The following IRAK1BP1 variants were observed in gnomAD, a reference collection of about 807,000 sequenced individuals.
IRAK1BP1 encodes interleukin-1 receptor-associated kinase 1-binding protein 1.
Under a neutral mutation model 28.0 loss-of-function variants are expected in IRAK1BP1, and 24 were observed. The observed-to-expected ratio is 0.86, with a 90% CI of 0.62 to 1.20. The LOEUF (loss-of-function observed/expected upper bound fraction) is 1.20. Among genes scored for constraint, IRAK1BP1 ranks in the 50% most tolerant of loss-of-function variants. The probability of loss-of-function intolerance (pLI) is 0.00; values close to 1 mark genes in which losing one functional copy is unlikely to be tolerated. For synonymous variants in IRAK1BP1, 131 were observed against 116.3 expected, an observed-to-expected ratio of 1.13 and a Z score of -0.81; for missense variants, 336 against 316.7, an observed-to-expected ratio of 1.06 and a Z score of -0.46.
chr6:78,887,787 C>T (rs72624516), intron 2 of IRAK1BP1, among the ~76,000 whole-genome samples: 11 of 47,312 alleles, frequency 2.3e-4, no homozygotes, highest in African/African-American at 5.8e-4. Flanking sequence ...TTATGGAAAA[C>T]AGTATACAGG....
rs1231647647 is a variant in IRAK1BP1, at chr6:78,945,766, A to C, written c.*426A>C. The C allele has an allele frequency of 1.5e-4, 86 of 589,392 alleles. No homozygotes were observed. In the Admixed American group the frequency reaches 2.2e-3, roughly 15 times the overall value. The allele number at this position is 589,392 out of a possible 1,614,324, so 36.5% of individuals were successfully genotyped here. A position where few individuals can be genotyped will look rare whatever the true frequency, so the allele number is the denominator to read the frequency against. ...TAGCTAGTGTGGGTACTGTGATTTA[A>C]ATTCAGGTAGTTTAGATCAGAGTTG... On this transcript the variant is annotated 3_prime_UTR_variant and NMD_transcript_variant, in exon 5 of 5. Transcript: ENST00000606868.
chr6:78,970,929 CCTT>C, the IRAK1BP1 span: 1 of 1,363,088 alleles, frequency 7.3e-7, no homozygotes, highest in Non-Finnish European at 1.0e-6. Context: ...GGATGTGTTT[CCTT>C]TAATCCAATA....
At chr6:78,908,056 T>C (rs181984026), downstream of IRAK1BP1, among the ~76,000 whole-genome samples, 210 of 141,648 alleles carry the variant, frequency 1.5e-3, no homozygotes, top group African/African-American at 5.2e-3. Context: ...ATTTATTTAT[T>C]TATCTATTTT....
chr6:78,867,938 G>A (rs752775657), intron 1 of IRAK1BP1, 47 bp downstream of exon 1: 1 of 1,489,296 alleles, frequency 6.7e-7, no homozygotes, highest in Non-Finnish European at 9.0e-7. Flanking sequence ...GACACAAAAG[G>A]GTTGGCAGAT....
intron 2 of IRAK1BP1, among the ~76,000 whole-genome samples, chr6:78,885,812 G>C (rs1054296871): frequency 1.3e-5 from 2 of 152,106 alleles, no homozygotes; most frequent in African/African-American, 2.4e-5. Context: ...TTGTTTTTCA[G>C]TGCAATTTTA....
chr6:78,912,832 AT>A (rs1248656154), intron 4 of IRAK1BP1, among the ~76,000 whole-genome samples: 1 of 152,214 alleles, frequency 6.6e-6, no homozygotes, highest in African/African-American at 2.4e-5. Context: ...GTGGAAAAAA[AT>A]ATATTAGCAC....
In IRAK1BP1 at chr6:78,900,681, G is replaced by A. The variant is rs1400051914; in HGVS notation, c.*2347G>A. The A allele has an allele frequency of 1.3e-5, 2 of 152,054 alleles. No individual in the cohort carries two copies. The highest frequency in any genetic ancestry group is 2.9e-5 in the Non-Finnish European group (2 of 68,028). 9.4% of individuals were successfully genotyped at this position (152,054 alleles called of 1,614,324 possible). A position where few individuals can be genotyped will look rare whatever the true frequency, so the allele number is the denominator to read the frequency against. On this transcript the variant is annotated 3_prime_UTR_variant, in exon 4 of 4. Coordinates refer to ENST00000369940, the MANE Select transcript of IRAK1BP1 (RefSeq NM_001010844.4). ...TATTTGCTGGGAAAATTTACTAGCT[G>A]GATAAAAGGCAAGTTACTTTAATCT...
At chr6:78,965,628 T>C in the IRAK1BP1 span, 1 of 822,384 alleles carries the variant, frequency 1.2e-6, no homozygotes, top group African/African-American at 1.7e-5. Context: ...AGTGGTAGCA[T>C]GTTAGCAAAT....
chr6:78,945,359 T>C (rs1773749162), intron 4 of IRAK1BP1: 1 of 1,613,842 alleles, frequency 6.2e-7, no homozygotes, highest in Non-Finnish European at 8.5e-7. Flanking sequence ...TACAGATGAC[T>C]TCATTTTACG....
intron 2 of IRAK1BP1, among the ~76,000 whole-genome samples, chr6:78,891,822 A>G (rs1214026015): frequency 6.6e-6 from 1 of 152,134 alleles, no homozygotes; most frequent in African/African-American, 2.4e-5. Flanking sequence ...CAGGAAGCAA[A>G]AGTAGTAGTA....
At chr6:78,889,815 G>A (rs2127649011) in intron 2 of IRAK1BP1, among the ~76,000 whole-genome samples, 1 of 152,254 alleles carries the variant, frequency 6.6e-6, no homozygotes, top group Non-Finnish European at 1.5e-5. Flanking sequence ...CTTTTACACT[G>A]TTGGTGGGAG....
intron 1 of IRAK1BP1, among the ~76,000 whole-genome samples, chr6:78,875,332 A>G (rs951087420): frequency 2.6e-5 from 4 of 152,240 alleles, no homozygotes; most frequent in African/African-American, 9.6e-5. Context: ...AGATTTCTCA[A>G]AGAACTAGAA....
At chr6:78,881,976 G>A (rs1771245561) in intron 1 of IRAK1BP1, among the ~76,000 whole-genome samples, 1 of 152,024 alleles carries the variant, frequency 6.6e-6, no homozygotes, top group Admixed American at 6.6e-5. Flanking sequence ...GAAAAATACA[G>A]AAAATTTTAC....
At chr6:78,920,272 A>T (rs948451280) in intron 4 of IRAK1BP1, among the ~76,000 whole-genome samples, 8 of 152,178 alleles carry the variant, frequency 5.3e-5, no homozygotes, top group African/African-American at 1.9e-4. Flanking sequence ...ATTTTACAAA[A>T]TTTGAAAAAA....
Position 78,867,869 on chromosome 6 carries a change from G to T in IRAK1BP1, c.293G>T (p.Ser98Ile). 2 of 1,599,824 alleles carry T rather than the reference G, an allele frequency of 1.3e-6. No homozygotes were observed. Among genetic ancestry groups the T allele is most frequent in the Non-Finnish European group, 1.7e-6 (2 of 1,172,626 alleles). Residue 98 changes from serine (S) to isoleucine (I), a missense_variant, in exon 1 of 4, where the codon AGC becomes ATC. By Grantham distance (142) the Ser-to-Ile change is moderately radical. Transcript: ENST00000369940. ...CGCCGTCTAGATTACATCACGCAGA[G>T]CCTCCAGCAGCAGGGCGTGCAGGTG... ...VCRRLDYITQ[S>I]LQQQGVQAEN...
intron 4 of IRAK1BP1, among the ~76,000 whole-genome samples, chr6:78,913,434 T>G (rs1298321768): frequency 6.6e-6 from 1 of 151,796 alleles, no homozygotes; most frequent in African/African-American, 2.4e-5. Context: ...TCACTTGAGG[T>G]CAGGAGTTCA....
At chr6:78,973,342 C>T in the IRAK1BP1 span, among the ~76,000 whole-genome samples, 71 of 150,376 alleles carry the variant, frequency 4.7e-4, no homozygotes, top group African/African-American at 1.7e-3. Flanking sequence ...GATTTTGTCA[C>T]CACCAGGCCT....
In IRAK1BP1 at chr6:78,940,679, T is replaced by C. The variant is rs745758306; in HGVS notation, c.*68-4729T>C. 2.6e-6 allele frequency: 4 copies of C among 1,552,294 alleles called. No individual in the cohort carries two copies. In the Admixed American group the frequency reaches 7.1e-5, roughly 28 times the overall value. On this transcript the variant is annotated intron_variant and NMD_transcript_variant, in intron 4 of 4. Coordinates refer to the IRAK1BP1 transcript ENST00000606868. ...CTGCTTTATAGATTTTGAAGTAAAATATTTTGGTACAAGTTACCAACCAAT... is the reference window on the plus strand; with the variant it reads ...CTGCTTTATAGATTTTGAAGTAAAACATTTTGGTACAAGTTACCAACCAAT...
the IRAK1BP1 span, among the ~76,000 whole-genome samples, chr6:78,967,606 G>A: frequency 6.6e-6 from 1 of 152,038 alleles, no homozygotes; most frequent in Non-Finnish European, 1.5e-5. Flanking sequence ...TATATCCTCA[G>A]ATATAAAAGA....
Sources: gnomAD v4.1 joint callset for allele counts (sites outside exome capture counted in the v4.1 genomes callset) on GRCh38, gnomAD v4.1.1 for gene constraint, MANE v1.5 for transcripts, NCBI Gene and HGNC (gene_info 2026-07-23, HGNC 2026-07-21) for gene names.